Variants in STRIP2 observed in about 807,000 individuals in gnomAD.
STRIP2 encodes striatin interacting protein 2.
In STRIP2, 84 loss-of-function variants were observed where a neutral mutation model predicts 107.1. The ratio of observed to expected loss-of-function variants is 0.78; its 90% CI spans 0.66 to 0.94. STRIP2 has a LOEUF of 0.94. Ranked by LOEUF, STRIP2 falls within the 40% of genes least tolerant of loss-of-function variation. STRIP2 has a pLI of 0.00. For missense variants in STRIP2, 888 were observed against 1,034.2 expected (o/e 0.86, Z 1.94); for synonymous variants, 394 against 400.4 (o/e 0.98, Z 0.19).
At chr7:129,444,807 A>G (rs777018562) in intron 3 of STRIP2, among the ~76,000 whole-genome samples, 1 of 152,198 alleles carries the variant, frequency 6.6e-6, no homozygotes, top group Non-Finnish European at 1.5e-5. Flanking sequence ...CCCAACCCAA[A>G]TACTATTATA....
rs1453878241 is a variant in STRIP2, at chr7:129,464,679, A to G, written c.1717A>G (p.Ser573Gly). ...CAGGCACAAGGAGATTATTGTAAAG[A>G]GTATCTCTACCCTGCTTCTGCTACT... ...VNRHKEIIVKSISTLLLLLLK... is the reference protein window; with the variant it reads ...VNRHKEIIVKGISTLLLLLLK... Residue 573 changes from serine to glycine, a missense_variant, in exon 16 of 21, where the codon AGT (serine) becomes GGT (glycine). Ser to Gly is a moderately conservative substitution (Grantham distance 56, BLOSUM62 0). Transcript: ENST00000249344. 4 of 1,614,086 alleles carry G rather than the reference A, an allele frequency of 2.5e-6. No individual in the cohort carries two copies. The highest frequency in any genetic ancestry group is 3.4e-6 in the Non-Finnish European group (4 of 1,179,992).
At position 129,458,562 on chromosome 7, in the gene STRIP2, C is replaced by A; in HGVS notation, c.1274+112C>A. 8.0e-7 allele frequency: 1 copy of A among 1,247,504 alleles called. No homozygotes were observed. The highest frequency in any genetic ancestry group is 1.1e-6 in the Non-Finnish European group (1 of 892,030). The allele number at this position is 1,247,504 out of a possible 1,614,324, so 77.3% of individuals were successfully genotyped here. A position where few individuals can be genotyped will look rare whatever the true frequency, so the allele number is the denominator to read the frequency against. ...CGTTAAGTTGGTCTGGCAGTCAGAA[C>A]TCCTGGGTTTGAAATTCCTTCTGTT... On this transcript the variant is annotated intron_variant, in intron 10 of 20. Transcript: ENST00000249344. This position sits in a 1 kb window ranked among gnomAD's most constrained non-coding sequence, Gnocchi z 4.6.
chr7:129,436,820 A>G (rs557000353), intron 1 of STRIP2, among the ~76,000 whole-genome samples: 2 of 152,260 alleles, frequency 1.3e-5, no homozygotes, highest in East Asian at 3.9e-4. Context: ...AGCACTGTTG[A>G]CCTACCTTCT....
chr7:129,456,915 G>A (rs1384983877), intron 9 of STRIP2, among the ~76,000 whole-genome samples: 1 of 152,128 alleles, frequency 6.6e-6, no homozygotes, highest in Admixed American at 6.5e-5. Flanking sequence ...CTCAGTGCCT[G>A]GAGTTCCTTA....
At position 129,464,750 on chromosome 7, in the gene STRIP2, G is replaced by T. The variant is rs1458257989; in HGVS notation, c.1776+12G>T. On this transcript the variant is annotated intron_variant, in intron 16 of 20. Transcript: ENST00000249344. ...ACCATATCTACCAGGTGAGCAGCTA[G>T]GAGCACTTCTCCACAGGTCTTGGGT... 3.1e-6 allele frequency: 5 copies of T among 1,613,954 alleles called. No homozygotes were observed. The highest frequency in any genetic ancestry group is 4.2e-6 in the Non-Finnish European group (5 of 1,179,988).
intron 18 of STRIP2, among the ~76,000 whole-genome samples, chr7:129,473,639 G>A (rs532869411): frequency 1.4e-4 from 21 of 152,094 alleles, no homozygotes; most frequent in Admixed American, 1.3e-3. Context: ...CAAATTGCTG[G>A]GATTACAGGT....
chr7:129,480,995 C>T lies in STRIP2; in HGVS notation c.2049+106C>T. On this transcript the variant is annotated intron_variant, in intron 19 of 20. Transcript: ENST00000249344. The stretch of plus-strand genomic sequence containing the variant: ...CTGGTTTGTGATCTCCGTATATAGA[C>T]ACTGAATGCTACATAAGATTTAGCA... The T allele has an allele frequency of 9.3e-6, 7 of 750,316 alleles. No homozygotes were observed. In the South Asian group the frequency reaches 1.1e-4, roughly 12 times the overall value. 46.5% of individuals were successfully genotyped at this position (750,316 alleles called of 1,614,324 possible).
chr7:129,454,803 C>T (rs775688226), intron 7 of STRIP2, among the ~76,000 whole-genome samples: 30 of 152,228 alleles, frequency 2.0e-4, no homozygotes, highest in South Asian at 1.7e-3. Flanking sequence ...CACTCTATCA[C>T]GAGTCCCACA....
chr7:129,439,338 T>C (rs1437433302), intron 1 of STRIP2, among the ~76,000 whole-genome samples: 4 of 152,174 alleles, frequency 2.6e-5, no homozygotes, highest in Non-Finnish European at 5.9e-5. Context: ...TCAAATAGTA[T>C]GTGACAGAGC....
At chr7:129,482,655 G>T (rs1799155934) in intron 19 of STRIP2, among the ~76,000 whole-genome samples, 187 bp from the exon 20 acceptor site, 1 of 152,052 alleles carries the variant, frequency 6.6e-6, no homozygotes, top group African/African-American at 2.4e-5. Context: ...TGGGATTACA[G>T]ACATGAGCCA....
intron 17 of STRIP2, among the ~76,000 whole-genome samples, chr7:129,469,086 C>T (rs1003207392): frequency 6.6e-6 from 1 of 152,212 alleles, no homozygotes; most frequent in South Asian, 2.1e-4. Context: ...GAGGTTCACT[C>T]CTAGATCAAC....
Position 129,458,691 on chromosome 7 carries a change from G to C in STRIP2, c.1275-21G>C. 1 of 1,614,022 alleles carries C rather than the reference G, an allele frequency of 6.2e-7. No individual in the cohort carries two copies. The highest frequency in any genetic ancestry group is 8.5e-7 in the Non-Finnish European group (1 of 1,179,902). On this transcript the variant is annotated intron_variant, in intron 10 of 20. Coordinates refer to ENST00000249344, the MANE Select transcript of STRIP2 (RefSeq NM_020704.3). This position sits in a 1 kb window ranked among gnomAD's most constrained non-coding sequence, Gnocchi z 4.6. ...GCTTTTCTTCCCTTCTCTGGGATTG[G>C]TCTTTCCACCATCCTCTCAGACAGA...
At chr7:129,453,382 A>T in intron 5 of STRIP2, 35 bp downstream of exon 5, 1 of 1,612,298 alleles carries the variant, frequency 6.2e-7, no homozygotes, top group South Asian at 1.1e-5. Context: ...GGCCTACATA[A>T]CCCCCATTCC....
chr7:129,482,819 C>A, intron 19 of STRIP2, 23 bp from the exon 20 acceptor site: 2 of 1,610,474 alleles, frequency 1.2e-6, no homozygotes, highest in Admixed American at 3.3e-5. Context: ...AGATCTTTAC[C>A]CCACCCCTCT....
chr7:129,463,480 C>T (rs535327665), intron 14 of STRIP2, among the ~76,000 whole-genome samples: 2 of 152,104 alleles, frequency 1.3e-5, no homozygotes, highest in Non-Finnish European at 2.9e-5. Context: ...CTTCCATCTT[C>T]CCCTTTGAAA....
chr7:129,485,885 T>G lies in STRIP2; in HGVS notation c.*56T>G, dbSNP rs1486363703. On this transcript the variant is annotated 3_prime_UTR_variant, in exon 21 of 21. Transcript: ENST00000249344. ...AGAGGTCAGCTCCAATAAACTGTGCTCTGCCTACCCTGTCCATACAGGCGC... is the reference window on the plus strand; with the variant it reads ...AGAGGTCAGCTCCAATAAACTGTGCGCTGCCTACCCTGTCCATACAGGCGC... 1 of 1,599,566 alleles carries G rather than the reference T, an allele frequency of 6.3e-7. No homozygotes were observed. Among genetic ancestry groups the G allele is most frequent in the Non-Finnish European group, 8.5e-7 (1 of 1,173,524 alleles).
In STRIP2 at chr7:129,458,280, G is replaced by T. The variant is rs371338199; in HGVS notation, c.1104G>T (p.Glu368Asp). ...AAAGGGATCTCTTCAAGACTGAGGA[G>T]CCCGCCACAGAGGAGGAAGAGGAGT... is the stretch of plus-strand genomic sequence containing the variant. ...YNERDLFKTEEPATEEEEESA... is the reference protein window; with the variant it reads ...YNERDLFKTEDPATEEEEESA... The change falls in exon 10 of 21, where the codon GAG (glutamate) becomes GAT (aspartate). Residue 368 changes from glutamate (E) to aspartate (D), a missense_variant. Physicochemically the swap from Glu to Asp is conservative, Grantham distance 45 (BLOSUM62 2). Transcript: ENST00000249344. The surrounding 1 kb of genome is among the most constrained non-coding windows in gnomAD (Gnocchi z 4.6). 1.9e-6 allele frequency: 3 copies of T among 1,614,078 alleles called. No homozygotes were observed. The highest frequency in any genetic ancestry group is 4.5e-5 in the East Asian group (2 of 44,902).
At chr7:129,485,452 T>C in intron 20 of STRIP2, 127 bp from the exon 21 acceptor site, 9 of 916,608 alleles carry the variant, frequency 9.8e-6, no homozygotes, top group Non-Finnish European at 1.4e-5. Context: ...ACATTGCTCT[T>C]TACAAAAAAA....
intron 18 of STRIP2, among the ~76,000 whole-genome samples, chr7:129,480,014 T>G (rs1033711404): frequency 6.6e-5 from 10 of 152,174 alleles, no homozygotes; most frequent in African/African-American, 2.4e-4. Flanking sequence ...TCCTATCACA[T>G]TGTAGATGTG....
Sources: allele counts gnomAD v4.1 joint callset (sites outside exome capture counted in the v4.1 genomes callset), GRCh38; gene constraint gnomAD v4.1.1; non-coding constraint Gnocchi (gnomAD v3.1); transcripts MANE v1.5; gene names NCBI Gene and HGNC (gene_info 2026-07-23, HGNC 2026-07-21).